AGBL4: variants seen among roughly 807,000 people sequenced by gnomAD.
The protein encoded by AGBL4 is cytosolic carboxypeptidase 6.
Under a neutral mutation model 66.4 loss-of-function variants are expected in AGBL4, and 58 were observed. That is an observed-to-expected ratio of 0.87 (90% confidence interval 0.71 to 1.09). The LOEUF is 1.09. AGBL4 is among the 50% of genes least tolerant of loss of function. AGBL4 has a pLI of 0.00. For synonymous variants in AGBL4, 234 were observed against 222.9 expected (o/e 1.05, Z -0.44); for missense variants, 579 against 631.0 (o/e 0.92, Z 0.88).
At chr1:48,668,020 T>C (rs1370652348) in intron 6 of AGBL4, among the ~76,000 whole-genome samples, 1 of 151,946 alleles carries the variant, frequency 6.6e-6, no homozygotes, top group African/African-American at 2.4e-5. Flanking sequence ...TTGTTGTTGT[T>C]GTTGTTGTTG....
intron 5 of AGBL4, among the ~76,000 whole-genome samples, chr1:48,981,473 A>C (rs1659763154): frequency 6.6e-6 from 1 of 152,218 alleles, no homozygotes; most frequent in Non-Finnish European, 1.5e-5. Flanking sequence ...TATGTACCAC[A>C]TACAGGTTTT....
intron 3 of AGBL4, among the ~76,000 whole-genome samples, chr1:49,511,811 A>G (rs1275561025): frequency 6.6e-6 from 1 of 151,934 alleles, no homozygotes; most frequent in Non-Finnish European, 1.5e-5. Flanking sequence ...TTAACATTGT[A>G]CATGGACAGT....
intron 5 of AGBL4, among the ~76,000 whole-genome samples, chr1:48,904,121 A>G (rs1410416487): frequency 1.3e-5 from 2 of 152,098 alleles, no homozygotes; most frequent in African/African-American, 2.4e-5. Flanking sequence ...TCTAATAAAT[A>G]TACAAAAATT....
chr1:49,311,743 A>G (rs1483486760), intron 3 of AGBL4, among the ~76,000 whole-genome samples: 1 of 152,020 alleles, frequency 6.6e-6, no homozygotes, highest in Non-Finnish European at 1.5e-5. Context: ...TAAAAGAATA[A>G]TTCCAGGTAT....
intron 2 of AGBL4, among the ~76,000 whole-genome samples, chr1:49,771,220 G>C (rs1355043247): frequency 6.6e-6 from 1 of 151,984 alleles, no homozygotes; most frequent in African/African-American, 2.4e-5. Context: ...TTTGTCTCAA[G>C]TAATTTTTAA....
intron 3 of AGBL4, among the ~76,000 whole-genome samples, chr1:49,421,100 T>C (rs1474284486): frequency 6.6e-6 from 1 of 152,216 alleles, no homozygotes; most frequent in Non-Finnish European, 1.5e-5. Flanking sequence ...ATATTGACTA[T>C]ACCACTTAAA....
intron 1 of AGBL4, among the ~76,000 whole-genome samples, chr1:49,852,790 G>A (rs906673905): frequency 6.6e-6 from 1 of 151,932 alleles, no homozygotes; most frequent in Non-Finnish European, 1.5e-5. Context: ...ACCTAGTCTG[G>A]AAATAAACTA....
At chr1:49,823,981 TG>T (rs1645438554) in intron 2 of AGBL4, among the ~76,000 whole-genome samples, 1 of 152,106 alleles carries the variant, frequency 6.6e-6, no homozygotes, top group East Asian at 1.9e-4. Flanking sequence ...GAGGTCGAGT[TG>T]GGTGGATCAC....
intron 3 of AGBL4, among the ~76,000 whole-genome samples, chr1:49,581,499 A>T (rs1411445034): frequency 6.6e-6 from 1 of 151,862 alleles, no homozygotes; most frequent in Non-Finnish European, 1.5e-5. Context: ...TTGGGAGAGG[A>T]GCTTTTCTTG....
At chr1:49,210,419 G>A (rs758294459) in intron 4 of AGBL4, among the ~76,000 whole-genome samples, 12 of 151,934 alleles carry the variant, frequency 7.9e-5, no homozygotes, top group African/African-American at 1.7e-4. Context: ...GAAATTTTAC[G>A]TATCATATTT....
At chr1:49,587,300 A>AAAGAG (rs529939900) in intron 3 of AGBL4, among the ~76,000 whole-genome samples, 64 of 151,988 alleles carry the variant, frequency 4.2e-4, no homozygotes, top group African/African-American at 8.9e-4. Flanking sequence ...AAGAAAAAGA[A>AAAGAG]AAGAGAAGAG....
At chr1:49,900,000 C>T (rs774403832) in intron 1 of AGBL4, among the ~76,000 whole-genome samples, 1 of 151,538 alleles carries the variant, frequency 6.6e-6, no homozygotes, top group Non-Finnish European at 1.5e-5. Context: ...CGAGATCGTA[C>T]CACTGCACTC....
chr1:49,025,077 G>A (rs150193428), intron 5 of AGBL4, among the ~76,000 whole-genome samples: 1 of 152,306 alleles, frequency 6.6e-6, no homozygotes, highest in East Asian at 1.9e-4. Context: ...AAGTGGCAGA[G>A]TTAAGGTTCT....
At chr1:49,131,613 C>T (rs1216318919) in intron 4 of AGBL4, among the ~76,000 whole-genome samples, 3 of 151,902 alleles carry the variant, frequency 2.0e-5, no homozygotes, top group African/African-American at 7.2e-5. Context: ...GTTAAATGAA[C>T]ATAACAGCAT....
intron 5 of AGBL4, among the ~76,000 whole-genome samples, chr1:48,955,441 C>G (rs1657363025): frequency 6.6e-6 from 1 of 152,192 alleles, no homozygotes. Flanking sequence ...TCTCTCTCCT[C>G]CTTTCCTTGT....
At chr1:49,070,525 G>A (rs567759888) in intron 4 of AGBL4, among the ~76,000 whole-genome samples, 5 of 152,038 alleles carry the variant, frequency 3.3e-5, no homozygotes, top group Admixed American at 3.3e-4. Context: ...TTTATGTGAT[G>A]GATTATGTTT....
rs573500043 is a variant in AGBL4, at chr1:49,137,856, G to A, written c.378-92056C>T. On this transcript the variant is annotated intron_variant, in intron 4 of 13. Coordinates refer to ENST00000371839, the MANE Select transcript of AGBL4 (RefSeq NM_032785.4). The stretch of plus-strand genomic sequence containing the variant: ...CATTTATGCTACTCTTGGACAAGCC[G>A]AAAATAATAATTACAATAAGGAAAA... Among the ~76,000 whole-genome samples, 110 of 152,050 alleles carry A rather than the reference G, an allele frequency of 7.2e-4. 2 individuals are homozygous for A. Among genetic ancestry groups the A allele is most frequent in the African/African-American group, 1.8e-3 (74 of 41,478 alleles).
At chr1:50,009,744 G>C (rs1032553059) in intron 1 of AGBL4, among the ~76,000 whole-genome samples, 1 of 151,406 alleles carries the variant, frequency 6.6e-6, no homozygotes, top group Non-Finnish European at 1.5e-5. Context: ...AGATGATCTT[G>C]TATTTGAAAA....
intron 2 of AGBL4, among the ~76,000 whole-genome samples, chr1:49,802,423 C>T (rs1370166117): frequency 1.3e-5 from 2 of 152,128 alleles, no homozygotes; most frequent in African/African-American, 4.8e-5. Context: ...TTGTTTGTAA[C>T]CAGCTTTTGC....
Sources: allele counts gnomAD v4.1 joint callset (sites outside exome capture counted in the v4.1 genomes callset), GRCh38; gene constraint gnomAD v4.1.1; transcripts MANE v1.5; gene names NCBI Gene and HGNC (gene_info 2026-07-23, HGNC 2026-07-21).